GLDC: variants seen among roughly 807,000 people sequenced by gnomAD.
GLDC encodes glycine decarboxylase, also known as glycine dehydrogenase (decarboxylating), mitochondrial.
GLDC carries 104 observed loss-of-function variants against 121.3 expected under a neutral mutation model. That is an observed-to-expected ratio of 0.86 (90% CI 0.73 to 1.01). The LOEUF is 1.01. GLDC is among the 50% of genes least tolerant of loss of function. The pLI is 0.00. For missense variants in GLDC, 1,429 were observed against 1,306.6 expected, an observed-to-expected ratio of 1.09 and a Z score of -1.44; for synonymous variants, 546 against 480.6, an observed-to-expected ratio of 1.14 and a Z score of -1.78.
chr9:6,610,124 T>C (rs965422957), intron 4 of GLDC, 68 bp downstream of exon 4: 13 of 1,196,446 alleles, frequency 1.1e-5, no homozygotes, highest in East Asian at 5.1e-5. Flanking sequence ...CAATATACTA[T>C]AGAAAGAAAA....
At chr9:6,534,206 GA>G (rs905510790) in intron 24 of GLDC, 18 of 146,628 alleles carry the variant, frequency 1.2e-4, no homozygotes, top group South Asian at 2.1e-4. Context: ...AAAAAAGAAA[GA>G]AAAAAAAAGC....
Position 6,644,877 on chromosome 9 carries a change from G to C in GLDC, c.256-185C>G, listed in dbSNP as rs1265170155. On this transcript the variant is annotated intron_variant, in intron 1 of 24. Coordinates refer to ENST00000321612, the MANE Select transcript of GLDC (RefSeq NM_000170.3). ...AGGAAAGAAAATCGTGAAGTGGGGT[G>C]GAGATTCCGCCACTCGGGGTTGGAT... The C allele has an allele frequency of 9.3e-6, 6 of 644,626 alleles. No homozygotes were observed. In the African/African-American group the frequency reaches 1.1e-4, roughly 12 times the overall value. 39.9% of individuals were successfully genotyped at this position (644,626 alleles called of 1,614,324 possible). A position where few individuals can be genotyped will look rare whatever the true frequency, so the allele number is the denominator to read the frequency against.
In GLDC at chr9:6,639,149, G is replaced by A. The variant is rs571012242; in HGVS notation, c.334+5465C>T. On this transcript the variant is annotated intron_variant, in intron 2 of 24. Coordinates refer to ENST00000321612, the MANE Select transcript of GLDC (RefSeq NM_000170.3). ...CAGAGCTTTTTCACAAGATGGCGCC[G>A]AAAGCGAAGAAGGAAGCTCCTGCCC... is the stretch of plus-strand genomic sequence containing the variant. 1.6e-4 allele frequency: 121 copies of A among 755,684 alleles called. 2 individuals are homozygous for A. Among genetic ancestry groups the A allele is most frequent in the South Asian group, 1.3e-3 (94 of 71,408 alleles). 46.8% of individuals were successfully genotyped at this position (755,684 alleles called of 1,614,324 possible). A position where few individuals can be genotyped will look rare whatever the true frequency, so the allele number is the denominator to read the frequency against.
intron 10 of GLDC, 28 bp from the exon 11 acceptor site, chr9:6,592,251 C>T (rs1251656473): frequency 7.3e-7 from 1 of 1,366,924 alleles, no homozygotes; most frequent in East Asian, 2.3e-5. Flanking sequence ...AAATGGAAAA[C>T]ATCAACTCTA....
Position 6,623,624 on chromosome 9 carries a change from TAAA to T in GLDC, c.335-3308_335-3306del, listed in dbSNP as rs200848942. Among the ~76,000 whole-genome samples the T allele has an allele frequency of 2.0e-5, 3 of 150,388 alleles. No homozygotes were observed. In the East Asian group the frequency reaches 5.9e-4, roughly 29 times the overall value. ...CAAGAATGATCAATAAAAAAAAAAA[TAAA>T]AAAAGAGAGAGATATGGTACTTTGC... On this transcript the variant is annotated intron_variant, in intron 2 of 24. Transcript: ENST00000321612.
At chr9:6,604,407 A>AGT (rs1310190378) in intron 7 of GLDC, among the ~76,000 whole-genome samples, 181 bp downstream of exon 7, 1 of 152,238 alleles carries the variant, frequency 6.6e-6, no homozygotes, top group Non-Finnish European at 1.5e-5. Context: ...ACAAATTTAT[A>AGT]GTATTTGAGA....
intron 15 of GLDC, chr9:6,567,428 T>C (rs966053333): frequency 6.6e-6 from 1 of 152,198 alleles, no homozygotes; most frequent in Non-Finnish European, 1.5e-5. Context: ...AAAATGGGGA[T>C]AGTAACAGTA....
chr9:6,609,153 T>G (rs1024599166), intron 4 of GLDC, among the ~76,000 whole-genome samples: 1 of 152,154 alleles, frequency 6.6e-6, no homozygotes, highest in African/African-American at 2.4e-5. Context: ...ACCAGGAAGG[T>G]ACACTCCTAA....
At chr9:6,558,721 C>A in intron 16 of GLDC, 37 bp from the exon 17 acceptor site, 1 of 1,612,144 alleles carries the variant, frequency 6.2e-7, no homozygotes, top group Middle Eastern at 1.7e-4. Flanking sequence ...AGAGCAAAAT[C>A]ATCATCAGAC....
chr9:6,556,841 G>A (rs187201508), intron 17 of GLDC, among the ~76,000 whole-genome samples: 1 of 152,132 alleles, frequency 6.6e-6, no homozygotes, highest in Non-Finnish European at 1.5e-5. Context: ...GATCCTTTCA[G>A]GCTAGGTCTC....
chr9:6,571,393 A>G (rs1479534903), intron 15 of GLDC, among the ~76,000 whole-genome samples: 2 of 152,196 alleles, frequency 1.3e-5, no homozygotes, highest in Non-Finnish European at 2.9e-5. Flanking sequence ...ATTAACAACA[A>G]TAACTAAGAA....
intron 2 of GLDC, among the ~76,000 whole-genome samples, chr9:6,625,956 G>T (rs1252162252): frequency 6.6e-6 from 1 of 152,070 alleles, no homozygotes; most frequent in Non-Finnish European, 1.5e-5. Flanking sequence ...GGAGCTCGGG[G>T]CTAGAAGCTG....
intron 15 of GLDC, among the ~76,000 whole-genome samples, chr9:6,586,729 C>A (rs957620896): frequency 6.6e-6 from 1 of 152,138 alleles, no homozygotes. Context: ...GGGCTCGCCT[C>A]GTGACTTGCT....
intron 2 of GLDC, among the ~76,000 whole-genome samples, chr9:6,625,007 C>T (rs934934275): frequency 6.6e-6 from 1 of 151,042 alleles, no homozygotes; most frequent in South Asian, 2.1e-4. Flanking sequence ...AAAAAAGGCT[C>T]AGGTGAACTC....
chr9:6,579,147 T>A (rs1818128614), intron 15 of GLDC, among the ~76,000 whole-genome samples: 1 of 152,286 alleles, frequency 6.6e-6, no homozygotes, highest in Admixed American at 6.5e-5. Flanking sequence ...ATATATATAT[T>A]TTTTCCTTAG....
intron 3 of GLDC, among the ~76,000 whole-genome samples, chr9:6,619,899 C>G (rs928666047): frequency 6.6e-6 from 1 of 152,222 alleles, no homozygotes; most frequent in South Asian, 2.1e-4. Context: ...TACTCAAATA[C>G]AGCACAGAAA....
At chr9:6,615,818 T>G (rs937173155) in intron 3 of GLDC, among the ~76,000 whole-genome samples, 1 of 152,206 alleles carries the variant, frequency 6.6e-6, no homozygotes, top group Non-Finnish European at 1.5e-5. Context: ...TTTGCCATGT[T>G]GGCCAGGCTG....
chr9:6,587,876 T>A (rs4602948), intron 14 of GLDC, among the ~76,000 whole-genome samples: 1 of 151,664 alleles, frequency 6.6e-6, no homozygotes, highest in Admixed American at 6.6e-5. Context: ...GATATGTCAC[T>A]TCAGAATAAA....
intron 18 of GLDC, among the ~76,000 whole-genome samples, chr9:6,555,241 G>C (rs760203492): frequency 6.6e-6 from 1 of 152,166 alleles, no homozygotes; most frequent in African/African-American, 2.4e-5. Context: ...GGGGCTGCGG[G>C]GGCACCAGGG....
Sources: gnomAD v4.1 joint callset for allele counts (sites outside exome capture counted in the v4.1 genomes callset) on GRCh38, gnomAD v4.1.1 for gene constraint, MANE v1.5 for transcripts, NCBI Gene and HGNC (gene_info 2026-07-23, HGNC 2026-07-21) for gene names.